Variants in SGCZ observed in about 807,000 individuals in gnomAD.
The protein encoded by SGCZ is sarcoglycan zeta, also known as zeta-sarcoglycan.
Under a neutral mutation model 41.3 loss-of-function variants are expected in SGCZ, and 40 were observed. The ratio of observed to expected loss-of-function variants is 0.97; its 90% CI spans 0.75 to 1.26. The LOEUF (loss-of-function observed/expected upper bound fraction) is 1.26. Ranked by LOEUF, SGCZ falls within the 50% of genes most tolerant of loss-of-function variation. The pLI is 0.00. For missense variants in SGCZ, 552 were observed against 369.8 expected, an observed-to-expected ratio of 1.49 and a Z score of -4.04; for synonymous variants, 206 against 137.5, an observed-to-expected ratio of 1.50 and a Z score of -3.49.
At chr8:14,764,029 G>A (rs1458769874) in intron 1 of SGCZ, among the ~76,000 whole-genome samples, 1 of 152,146 alleles carries the variant, frequency 6.6e-6, no homozygotes, top group Non-Finnish European at 1.5e-5. Flanking sequence ...TTGGAGAAAT[G>A]GCTGATGCCA....
intron 1 of SGCZ, among the ~76,000 whole-genome samples, chr8:14,775,072 T>G (rs1298695334): frequency 6.6e-6 from 1 of 152,032 alleles, no homozygotes; most frequent in African/African-American, 2.4e-5. Flanking sequence ...GTAAAGAAAA[T>G]TGCACTAATA....
intron 1 of SGCZ, among the ~76,000 whole-genome samples, chr8:14,618,115 G>A (rs960366246): frequency 6.6e-6 from 1 of 152,006 alleles, no homozygotes; most frequent in Non-Finnish European, 1.5e-5. Flanking sequence ...AAAACTATGT[G>A]CCATGCACTA....
chr8:14,382,373 C>G (rs779137381), intron 2 of SGCZ, among the ~76,000 whole-genome samples: 2 of 151,722 alleles, frequency 1.3e-5, no homozygotes, highest in African/African-American at 4.8e-5. Flanking sequence ...AAACTGAGGC[C>G]TCAGAAATAT....
Position 15,209,727 on chromosome 8 carries a change from G to T in SGCZ, c.39+27858C>A, listed in dbSNP as rs556855776. ...TCACATATTTCAAGTTTGTCTTATC[G>T]TTGACCACCAGAAATGACAGATACC... On this transcript the variant is annotated intron_variant, in intron 1 of 7. Transcript: ENST00000382080. Among the ~76,000 whole-genome samples, 4 of 151,768 alleles carry T rather than the reference G, an allele frequency of 2.6e-5. No individual in the cohort carries two copies. The East Asian group carries it at 7.8e-4, about 29-fold the overall frequency.
At chr8:14,325,223 A>G (rs1802051919) in intron 2 of SGCZ, among the ~76,000 whole-genome samples, 1 of 152,102 alleles carries the variant, frequency 6.6e-6, no homozygotes, top group African/African-American at 2.4e-5. Flanking sequence ...ATTACTAATA[A>G]TGCATAATTG....
intron 1 of SGCZ, among the ~76,000 whole-genome samples, chr8:14,678,965 T>C (rs1206903418): frequency 4.6e-5 from 7 of 152,182 alleles, no homozygotes; most frequent in African/African-American, 1.4e-4. Context: ...AAATACAGCA[T>C]ACCAACATTT....
At chr8:14,710,865 A>G (rs1204808448) in intron 1 of SGCZ, among the ~76,000 whole-genome samples, 1 of 152,198 alleles carries the variant, frequency 6.6e-6, no homozygotes, top group Non-Finnish European at 1.5e-5. Flanking sequence ...TAATTCAGAG[A>G]TGTTTTGTAA....
At chr8:14,331,090 T>A (rs1224802152) in intron 2 of SGCZ, among the ~76,000 whole-genome samples, 3 of 151,744 alleles carry the variant, frequency 2.0e-5, no homozygotes, top group Non-Finnish European at 4.4e-5. Flanking sequence ...TATTTAAATT[T>A]GTATGAGGAA....
chr8:15,084,201 C>T (rs976134091), intron 1 of SGCZ, among the ~76,000 whole-genome samples: 5 of 152,012 alleles, frequency 3.3e-5, no homozygotes, highest in South Asian at 2.1e-4. Context: ...CAATATTGTC[C>T]GTGGTCACTG....
intron 2 of SGCZ, among the ~76,000 whole-genome samples, chr8:14,404,040 C>T (rs1439898788): frequency 6.6e-6 from 1 of 151,932 alleles, no homozygotes; most frequent in Admixed American, 6.6e-5. Flanking sequence ...GGGGGGCCAA[C>T]AAATCATGTA....
intron 2 of SGCZ, among the ~76,000 whole-genome samples, chr8:14,348,911 G>A (rs1442305340): frequency 6.6e-6 from 1 of 151,810 alleles, no homozygotes; most frequent in Non-Finnish European, 1.5e-5. Flanking sequence ...GGATCTCTAC[G>A]CAGCAATGGA....
chr8:15,082,574 A>G (rs1164447311), intron 1 of SGCZ, among the ~76,000 whole-genome samples: 1 of 151,984 alleles, frequency 6.6e-6, no homozygotes, highest in Non-Finnish European at 1.5e-5. Flanking sequence ...CTCTTTTTTC[A>G]TTCTTGTACA....
intron 1 of SGCZ, among the ~76,000 whole-genome samples, chr8:14,871,168 T>C (rs565572050): frequency 3.3e-5 from 5 of 151,906 alleles, no homozygotes; most frequent in Admixed American, 6.6e-5. Flanking sequence ...GATCACATCA[T>C]TGCACTCCAG....
At chr8:14,115,986 C>T (rs1023244512) in intron 5 of SGCZ, among the ~76,000 whole-genome samples, 4 of 152,182 alleles carry the variant, frequency 2.6e-5, no homozygotes, top group African/African-American at 9.6e-5. Flanking sequence ...AAATGGAATG[C>T]ACAGCGCTAG....
rs146705304 is a variant in SGCZ at position 14,662,590 on chromosome 8, G to A, written c.40-107664C>T. Among the ~76,000 whole-genome samples the A allele has an allele frequency of 2.9e-3, 435 of 152,268 alleles. 2 individuals are homozygous for A. The highest frequency in any genetic ancestry group is 9.7e-3 in the African/African-American group (403 of 41,552). ...CTTCACTAGGTTGTTTAACCTGACTGGGTCCCTGTGTTAGGCTAAATAATG... is the reference window on the plus strand; with the variant it reads ...CTTCACTAGGTTGTTTAACCTGACTAGGTCCCTGTGTTAGGCTAAATAATG... On this transcript the variant is annotated intron_variant, in intron 1 of 7. Coordinates refer to ENST00000382080, the MANE Select transcript of SGCZ (RefSeq NM_139167.4).
intron 1 of SGCZ, among the ~76,000 whole-genome samples, chr8:15,136,003 C>T (rs1026398140): frequency 7.2e-5 from 11 of 152,024 alleles, no homozygotes; most frequent in African/African-American, 1.4e-4. Flanking sequence ...TTCAGGTTAT[C>T]GGGTCATTGC....
chr8:15,155,841 T>C (rs1799314779), intron 1 of SGCZ, among the ~76,000 whole-genome samples: 1 of 152,246 alleles, frequency 6.6e-6, no homozygotes, highest in African/African-American at 2.4e-5. Flanking sequence ...GTGGACTGCC[T>C]GAGCTCAGGA....
intron 5 of SGCZ, among the ~76,000 whole-genome samples, chr8:14,123,341 G>T (rs1472315574): frequency 6.7e-6 from 1 of 150,162 alleles, no homozygotes; most frequent in Non-Finnish European, 1.5e-5. Context: ...GCCATGCAAT[G>T]AAACATAAAT....
At chr8:14,962,667 A>C (rs1801000732) in intron 1 of SGCZ, among the ~76,000 whole-genome samples, 1 of 152,224 alleles carries the variant, frequency 6.6e-6, no homozygotes, top group Non-Finnish European at 1.5e-5. Context: ...GTCACTAATC[A>C]TTTAAGTAAA....
Sources: gnomAD v4.1 joint callset for allele counts (sites outside exome capture counted in the v4.1 genomes callset) on GRCh38, gnomAD v4.1.1 for gene constraint, MANE v1.5 for transcripts, NCBI Gene and HGNC (gene_info 2026-07-23, HGNC 2026-07-21) for gene names.